The following NLGN1 variants were observed in gnomAD, a reference collection of about 807,000 sequenced individuals.
NLGN1 encodes neuroligin 1, also known as neuroligin-1.
In NLGN1, 12 loss-of-function variants were observed where a neutral mutation model predicts 65.5. The ratio of observed to expected loss-of-function variants is 0.18; its 90% CI spans 0.12 to 0.30. The LOEUF is 0.30. Ranked by LOEUF, NLGN1 falls within the 10% of genes least tolerant of loss-of-function variation. The probability of loss-of-function intolerance (pLI) is 1.00; values close to 1 mark genes in which losing one functional copy is unlikely to be tolerated. For synonymous variants in NLGN1, 350 were observed against 359.5 expected (o/e 0.97, Z 0.30); for missense variants, 750 against 1,007.1 (o/e 0.74, Z 3.46).
chr3:173,859,506 G>A (rs906721274), intron 4 of NLGN1, among the ~76,000 whole-genome samples: 2 of 152,026 alleles, frequency 1.3e-5, no homozygotes, highest in African/African-American at 4.8e-5. Flanking sequence ...ATATTTGTAA[G>A]GGCCCTATTT....
chr3:173,574,522 CA>C (rs1177798037), intron 2 of NLGN1, among the ~76,000 whole-genome samples: 2 of 151,680 alleles, frequency 1.3e-5, no homozygotes, highest in Non-Finnish European at 2.9e-5. Flanking sequence ...ATACTAATTC[CA>C]AAACAGTTGA....
rs112350109 is a variant in NLGN1 at position 174,055,640 on chromosome 3, A to G, written c.647-219675A>G. 1.5e-3 allele frequency among the ~76,000 whole-genome samples: 233 copies of G among 152,162 alleles called. 2 individuals carry two copies. Among genetic ancestry groups the G allele is most frequent in the African/African-American group, 5.4e-3 (225 of 41,554 alleles). ...AGCTCCTAAGCAACAATTGAATGCC[A>G]TATACCATGTTTGGCCCTGCTACTG... On this transcript the variant is annotated intron_variant, in intron 4 of 6. Coordinates refer to ENST00000457714, the Ensembl canonical transcript of NLGN1.
At chr3:173,845,877 G>T (rs113944002) in intron 4 of NLGN1, among the ~76,000 whole-genome samples, 4 of 151,504 alleles carry the variant, frequency 2.6e-5, no homozygotes, top group Non-Finnish European at 5.9e-5. Flanking sequence ...AATTTTTTTC[G>T]ATATCATAGT....
exon 3 of NLGN1, chr3:173,605,011 A>G (rs1209702728): frequency 1.9e-6 from 3 of 1,613,398 alleles, no homozygotes; most frequent in Admixed American, 3.3e-5. Context: ...TTTACTAATA[A>G]CTTGGATGTG....
At chr3:173,866,832 T>A (rs1730274265) in intron 4 of NLGN1, among the ~76,000 whole-genome samples, 1 of 152,200 alleles carries the variant, frequency 6.6e-6, no homozygotes, top group Admixed American at 6.5e-5. Flanking sequence ...CTTTTGGGAA[T>A]GGTCATCCTT....
chr3:174,268,729 C>T (rs1748757701), intron 4 of NLGN1, among the ~76,000 whole-genome samples: 1 of 152,028 alleles, frequency 6.6e-6, no homozygotes, highest in Admixed American at 6.6e-5. Context: ...TAGGTGTTTT[C>T]TTTCCAGGCA....
At chr3:174,198,559 A>C (rs892727452) in intron 4 of NLGN1, among the ~76,000 whole-genome samples, 1 of 152,234 alleles carries the variant, frequency 6.6e-6, no homozygotes, top group Non-Finnish European at 1.5e-5. Context: ...TTTCTGGCAG[A>C]ATATGAGGAT....
intron 4 of NLGN1, among the ~76,000 whole-genome samples, chr3:174,272,079 C>CTT (rs1199017552): frequency 6.6e-6 from 1 of 151,330 alleles, no homozygotes; most frequent in East Asian, 1.9e-4. Context: ...ATCCCAGGAA[C>CTT]TTAAAATGAG....
At chr3:173,402,692 C>G (rs1425923999) in intron 1 of NLGN1, among the ~76,000 whole-genome samples, 1 of 152,068 alleles carries the variant, frequency 6.6e-6, no homozygotes, top group Non-Finnish European at 1.5e-5. Flanking sequence ...CCACTCAAAG[C>G]AGAAATGAAA....
Position 173,532,868 on chromosome 3 carries a change from G to A in NLGN1, c.-320-71411G>A, listed in dbSNP as rs375397688. ...TGCAGGTTGGCTGAAAGTTCTGCTC[G>A]ATATCTCCTTACTCCTGAAACCAAG... is the stretch of plus-strand genomic sequence containing the variant. On this transcript the variant is annotated intron_variant, in intron 2 of 6. Transcript: ENST00000457714. 3.9e-5 allele frequency among the ~76,000 whole-genome samples: 6 copies of A among 152,126 alleles called. No homozygotes were observed. The East Asian group carries it at 5.8e-4, about 15-fold the overall frequency.
intron 4 of NLGN1, among the ~76,000 whole-genome samples, chr3:174,256,194 T>G: frequency 6.6e-6 from 1 of 152,154 alleles, no homozygotes; most frequent in East Asian, 1.9e-4. Context: ...GAAATTAAGC[T>G]AGGTGTCAGG....
chr3:173,445,132 G>A lies in NLGN1; in HGVS notation c.-321+10054G>A, dbSNP rs373920213. On this transcript the variant is annotated intron_variant, in intron 2 of 6. Coordinates refer to ENST00000457714, the Ensembl canonical transcript of NLGN1. ...AAATACAAAAAATTAGCCGGGCGTA[G>A]TGGCGGGCGCCTGTAGTCCCAGCTA... is the stretch of plus-strand genomic sequence containing the variant. 1.4e-3 allele frequency among the ~76,000 whole-genome samples: 215 copies of A among 150,768 alleles called. 1 individual carries two copies. Among genetic ancestry groups the A allele is most frequent in the Non-Finnish European group, 2.0e-3 (136 of 67,266 alleles).
intron 4 of NLGN1, among the ~76,000 whole-genome samples, chr3:174,169,628 G>A (rs1728153381): frequency 6.6e-6 from 1 of 152,096 alleles, no homozygotes; most frequent in Admixed American, 6.5e-5. Flanking sequence ...CTGAATTTCT[G>A]CCTGGGAGTA....
At chr3:173,898,686 G>A (rs762400675) in intron 4 of NLGN1, among the ~76,000 whole-genome samples, 2 of 152,156 alleles carry the variant, frequency 1.3e-5, no homozygotes, top group Admixed American at 6.6e-5. Flanking sequence ...ATTCATTTCT[G>A]TAGTAAAACT....
chr3:173,725,206 T>C (rs1050517139), intron 3 of NLGN1, among the ~76,000 whole-genome samples: 2 of 152,164 alleles, frequency 1.3e-5, no homozygotes, highest in African/African-American at 4.8e-5. Context: ...TAATATTTTA[T>C]ATCACCATAT....
chr3:174,257,809 T>C (rs1746076805), intron 4 of NLGN1, among the ~76,000 whole-genome samples: 1 of 151,376 alleles, frequency 6.6e-6, no homozygotes, highest in Non-Finnish European at 1.5e-5. Flanking sequence ...TCAAAACGCA[T>C]GTGTGATGGT....
chr3:173,440,943 A>G (rs952140326), intron 2 of NLGN1, among the ~76,000 whole-genome samples: 43 of 152,316 alleles, frequency 2.8e-4, no homozygotes, highest in African/African-American at 1.0e-3. Context: ...TTTCACTGAC[A>G]TTGAAAATTT....
At chr3:173,878,237 T>C (rs1279910954) in intron 4 of NLGN1, among the ~76,000 whole-genome samples, 2 of 152,106 alleles carry the variant, frequency 1.3e-5, no homozygotes, top group East Asian at 3.9e-4. Flanking sequence ...AAACAGGGTT[T>C]CACCAGGTTG....
At chr3:174,156,373 C>T (rs1013911625) in intron 4 of NLGN1, among the ~76,000 whole-genome samples, 1 of 151,738 alleles carries the variant, frequency 6.6e-6, no homozygotes, top group African/African-American at 2.4e-5. Flanking sequence ...AGCCTTGTTG[C>T]CTGTGTTTTC....
Sources: gnomAD v4.1 joint callset for allele counts (sites outside exome capture counted in the v4.1 genomes callset) on GRCh38, gnomAD v4.1.1 for gene constraint, MANE v1.5 for transcripts, NCBI Gene and HGNC (gene_info 2026-07-23, HGNC 2026-07-21) for gene names.